The following FNDC3B variants were observed in gnomAD, a reference collection of about 807,000 sequenced individuals.
The protein encoded by FNDC3B is fibronectin type III domain-containing protein 3B.
FNDC3B carries 12 observed loss-of-function variants against 151.5 expected under a neutral mutation model. The observed-to-expected ratio is 0.08, with a 90% CI of 0.05 to 0.13. The LOEUF (loss-of-function observed/expected upper bound fraction) is 0.13. Among genes scored for constraint, FNDC3B ranks in the 10% least tolerant of loss-of-function variants. The pLI is 1.00. For synonymous variants in FNDC3B, 528 were observed against 549.0 expected, an observed-to-expected ratio of 0.96 and a Z score of 0.54; for missense variants, 1,214 against 1,505.3, an observed-to-expected ratio of 0.81 and a Z score of 3.20.
At chr3:172,112,075 C>T (rs1348076862) in intron 1 of FNDC3B, among the ~76,000 whole-genome samples, 1 of 152,094 alleles carries the variant, frequency 6.6e-6, no homozygotes, top group Non-Finnish European at 1.5e-5. Flanking sequence ...TGGCAGATAC[C>T]ACTATGGGAT....
chr3:172,215,063 T>C (rs898010771), intron 3 of FNDC3B, among the ~76,000 whole-genome samples: 1 of 152,268 alleles, frequency 6.6e-6, no homozygotes, highest in Non-Finnish European at 1.5e-5. Context: ...AGATGAATAA[T>C]GTAAAACAGA....
chr3:172,086,957 A>C (rs1450038587), intron 1 of FNDC3B, among the ~76,000 whole-genome samples: 2 of 152,196 alleles, frequency 1.3e-5, no homozygotes, highest in Non-Finnish European at 2.9e-5. Context: ...AGATTTATTA[A>C]AGAACAGACA....
At position 172,392,810 on chromosome 3, in the gene FNDC3B, C is replaced by CTTTTCTTT. The variant is rs1553800990; in HGVS notation, c.3304-4350_3304-4349insCTTTTTTT. On this transcript the variant is annotated intron_variant, in intron 25 of 25. Coordinates refer to ENST00000415807, the MANE Select transcript of FNDC3B (RefSeq NM_022763.4). Reference sequence around the variant, plus strand: ...GAATGAATTTTTTCTTTTTTTTTTTCTTTTTTTTTTTTCAGACAGAGAGTA... The same window carrying CTTTTCTTT: ...GAATGAATTTTTTCTTTTTTTTTTTCTTTTCTTTTTTTTTTTTTTTCAGACAGAGAGTA... Among the ~76,000 whole-genome samples, 47 of 99,904 alleles carry CTTTTCTTT rather than the reference C, an allele frequency of 4.7e-4. 1 individual carries two copies. The highest frequency in any genetic ancestry group is 1.6e-3 in the Admixed American group (11 of 6,894). 65.5% of individuals were successfully genotyped at this position (99,904 alleles called of 152,430 possible).
intron 8 of FNDC3B, among the ~76,000 whole-genome samples, chr3:172,297,657 G>A (rs1298443988): frequency 6.6e-6 from 1 of 152,060 alleles, no homozygotes; most frequent in Non-Finnish European, 1.5e-5. Context: ...TGTATTTTTA[G>A]TAGAGACGGG....
At chr3:172,341,340 C>A in intron 17 of FNDC3B, 109 bp downstream of exon 17, 7 of 794,550 alleles carry the variant, frequency 8.8e-6, no homozygotes, top group Middle Eastern at 2.6e-4. Flanking sequence ...GGTAATGCAA[C>A]CTAATAGTAT....
intron 1 of FNDC3B, among the ~76,000 whole-genome samples, chr3:172,064,093 T>A (rs1717364016): frequency 6.6e-6 from 1 of 151,760 alleles, no homozygotes; most frequent in African/African-American, 2.4e-5. Flanking sequence ...CTGCAGTGAG[T>A]GAATAACCCC....
At chr3:172,358,962 GGTGGTGGT>G (rs1734227459) in intron 22 of FNDC3B, among the ~76,000 whole-genome samples, 1 of 36,646 alleles carries the variant, frequency 2.7e-5, no homozygotes, top group East Asian at 3.8e-4. Flanking sequence ...TCTTGGTGGT[GGTGGTGGT>G]GGTGGTGGTG....
intron 2 of FNDC3B, among the ~76,000 whole-genome samples, chr3:172,128,011 T>C (rs1356992254): frequency 1.3e-5 from 2 of 152,206 alleles, no homozygotes; most frequent in Admixed American, 6.5e-5. Flanking sequence ...ATTAAAACTT[T>C]TGGAGTAGTG....
chr3:172,207,467 TG>T (rs1661237727), intron 3 of FNDC3B, among the ~76,000 whole-genome samples: 1 of 152,212 alleles, frequency 6.6e-6, no homozygotes, highest in Non-Finnish European at 1.5e-5. Flanking sequence ...TCTGTGTTTC[TG>T]TTCTGTAGGT....
rs149168084 is a variant in FNDC3B, at chr3:172,323,520, C to T, written c.1255-5432C>T. On this transcript the variant is annotated intron_variant, in intron 11 of 25. Coordinates refer to ENST00000415807, the MANE Select transcript of FNDC3B (RefSeq NM_022763.4). Reference sequence around the variant, plus strand: ...CAACAGAGTGAGACACCTTGTCTCTCACACACACACACAAAAAGTAGAATA... The same window carrying T: ...CAACAGAGTGAGACACCTTGTCTCTTACACACACACACAAAAAGTAGAATA... Among the ~76,000 whole-genome samples the T allele has an allele frequency of 4.4e-3, 663 of 151,936 alleles. 2 individuals are homozygous for T. Among genetic ancestry groups the T allele is most frequent in the Non-Finnish European group, 6.7e-3 (458 of 67,922 alleles).
At chr3:172,220,694 G>A (rs180882906) in intron 3 of FNDC3B, among the ~76,000 whole-genome samples, 1 of 152,174 alleles carries the variant, frequency 6.6e-6, no homozygotes, top group East Asian at 1.9e-4. Context: ...TATATGATAT[G>A]AGATAGGGGT....
intron 2 of FNDC3B, among the ~76,000 whole-genome samples, chr3:172,123,017 C>T (rs1312064150): frequency 6.6e-6 from 1 of 152,168 alleles, no homozygotes; most frequent in African/African-American, 2.4e-5. Context: ...AATTATGTTA[C>T]ATGACTTTTA....
At chr3:172,175,754 G>A (rs565172036) in intron 3 of FNDC3B, among the ~76,000 whole-genome samples, 1 of 152,310 alleles carries the variant, frequency 6.6e-6, no homozygotes, top group South Asian at 2.1e-4. Flanking sequence ...CATAGTAAGT[G>A]AGAACCTTGT....
At chr3:172,218,828 A>C in intron 3 of FNDC3B, among the ~76,000 whole-genome samples, 1 of 152,204 alleles carries the variant, frequency 6.6e-6, no homozygotes, top group African/African-American at 2.4e-5. Context: ...TTTGGGAAGA[A>C]GTAGTCACAG....
At chr3:172,306,969 C>A (rs894152024) in intron 9 of FNDC3B, 4 of 168,004 alleles carry the variant, frequency 2.4e-5, no homozygotes, top group Non-Finnish European at 5.2e-5. Context: ...ATTACTGTTT[C>A]TTTTGCCTTT....
In FNDC3B at chr3:172,251,459, C is replaced by T. The variant is rs1031874825; in HGVS notation, c.708C>T (p.Gly236=). 7 of 1,614,000 alleles carry T rather than the reference C, an allele frequency of 4.3e-6. No homozygotes were observed. Among genetic ancestry groups the T allele is most frequent in the African/African-American group, 1.3e-5 (1 of 75,006 alleles). The part of the protein sequence containing the change: ...GKGHSGGSGG[G]GSGSGPGIKK... ...GCCATAGTGGTGGAAGTGGCGGAGG[C>T]GGCAGCGGTAGTGGTCCCGGAATTA... Residue 236 remains glycine, a synonymous_variant, in exon 6 of 26, where the codon GGC becomes GGT. Transcript: ENST00000415807.
In FNDC3B at chr3:172,374,939, AT is replaced by A. The variant is rs532475127; in HGVS notation, c.3009-3324del. ...ATCTATTTTCTTATGTATTTAATGA[AT>A]TTTTTTGTTGTAGAGAGTAAAATGA... On this transcript the variant is annotated intron_variant, in intron 23 of 25. Coordinates refer to ENST00000415807, the MANE Select transcript of FNDC3B (RefSeq NM_022763.4). 7.2e-5 allele frequency among the ~76,000 whole-genome samples: 11 copies of A among 152,276 alleles called. No individual in the cohort carries two copies. The South Asian group carries it at 1.9e-3, about 26-fold the overall frequency.
chr3:172,358,473 T>A (rs1326452165), intron 22 of FNDC3B, among the ~76,000 whole-genome samples: 1 of 152,252 alleles, frequency 6.6e-6, no homozygotes, highest in African/African-American at 2.4e-5. Flanking sequence ...TTGCTGCGGA[T>A]GGCCTAGAAA....
chr3:172,241,176 G>A (rs764616462), intron 4 of FNDC3B, among the ~76,000 whole-genome samples: 2 of 152,134 alleles, frequency 1.3e-5, no homozygotes, highest in South Asian at 2.1e-4. Flanking sequence ...AATCAGGCAA[G>A]GCTTGTAGAA....
Sources: gnomAD v4.1 joint callset for allele counts (sites outside exome capture counted in the v4.1 genomes callset) on GRCh38, gnomAD v4.1.1 for gene constraint, MANE v1.5 for transcripts, NCBI Gene and HGNC (gene_info 2026-07-23, HGNC 2026-07-21) for gene names.